PPP1R36: variants seen among roughly 807,000 people sequenced by gnomAD.
PPP1R36 encodes the protein protein phosphatase 1 regulatory subunit 36.
PPP1R36 carries 47 observed loss-of-function variants against 53.4 expected under a neutral mutation model. The ratio of observed to expected loss-of-function variants is 0.88; its 90% confidence interval spans 0.70 to 1.12. The LOEUF (loss-of-function observed/expected upper bound fraction) is 1.12. PPP1R36 is among the 50% of genes most tolerant of loss of function. The pLI is 0.00. For missense variants in PPP1R36, 456 were observed against 513.9 expected, an observed-to-expected ratio of 0.89 and a Z score of 1.09; for synonymous variants, 153 against 170.5, an observed-to-expected ratio of 0.90 and a Z score of 0.80.
Position 64,589,352 on chromosome 14 carries a change from A to C in PPP1R36, c.*14A>C. ...TGCCCTAAGTAACCTGGTACATTCC[A>C]TATCTCAAGTAAACTACTTTGACTT... On this transcript the variant is annotated 3_prime_UTR_variant, in exon 12 of 12. Transcript: ENST00000298705. 2.6e-6 allele frequency: 4 copies of C among 1,559,948 alleles called. No homozygotes were observed. The highest frequency in any genetic ancestry group is 3.5e-6 in the Non-Finnish European group (4 of 1,145,190).
intron 7 of PPP1R36, among the ~76,000 whole-genome samples, chr14:64,571,110 CTGTTTGTT>C (rs10638013): frequency 0.015 from 2,303 of 150,504 alleles, 28 homozygotes; most frequent in South Asian, 0.037. Context: ...TATGTATGTA[CTGTTTGTT>C]TGTTTGTTTG....
chr14:64,559,981 C>T (rs1039569791), intron 3 of PPP1R36, among the ~76,000 whole-genome samples: 2 of 151,516 alleles, frequency 1.3e-5, no homozygotes, highest in African/African-American at 4.9e-5. Context: ...TACGTGCCTG[C>T]AGTCCCAACT....
chr14:64,571,845 TG>T (rs1436976069), intron 7 of PPP1R36, among the ~76,000 whole-genome samples: 3 of 152,152 alleles, frequency 2.0e-5, no homozygotes, highest in Admixed American at 2.0e-4. Flanking sequence ...TCTTACATGG[TG>T]GCAGGCAAGA....
chr14:64,579,218 G>C (rs1306918476), intron 8 of PPP1R36, among the ~76,000 whole-genome samples: 1 of 151,990 alleles, frequency 6.6e-6, no homozygotes, highest in African/African-American at 2.4e-5. Flanking sequence ...CCCGTGACTC[G>C]TGTTTATCTA....
chr14:64,580,566 A>G (rs2140245514), intron 8 of PPP1R36, among the ~76,000 whole-genome samples: 1 of 152,316 alleles, frequency 6.6e-6, no homozygotes, highest in African/African-American at 2.4e-5. Context: ...TCATTTCCAG[A>G]TGGTGCTGGT....
intron 8 of PPP1R36, 197 bp from the exon 9 acceptor site, chr14:64,586,640 G>A (rs1465609202): frequency 4.4e-6 from 2 of 449,850 alleles, no homozygotes; most frequent in Non-Finnish European, 7.9e-6. Flanking sequence ...CATTCTAGGA[G>A]TTTTGATCTG....
At position 64,588,309 on chromosome 14, in the gene PPP1R36, C is replaced by A; in HGVS notation, c.1082+14C>A. On this transcript the variant is annotated intron_variant, in intron 11 of 11. Coordinates refer to ENST00000298705, the MANE Select transcript of PPP1R36 (RefSeq NM_172365.3). ...GCCCATGCCGGTGTAAGTGGCTTGG[C>A]AAGAGAAGCATGAGTGCCTTGAGGT... The A allele has an allele frequency of 1.9e-6, 3 of 1,586,512 alleles. No homozygotes were observed. Among genetic ancestry groups the A allele is most frequent in the South Asian group, 1.1e-5 (1 of 87,630 alleles).
intron 8 of PPP1R36, among the ~76,000 whole-genome samples, chr14:64,577,444 T>C (rs191225232): frequency 1.2e-4 from 19 of 152,272 alleles, no homozygotes; most frequent in African/African-American, 4.6e-4. Flanking sequence ...GGACTCCCCT[T>C]TGGCCTGGTC....
chr14:64,585,222 A>G (rs1457398079), intron 8 of PPP1R36, among the ~76,000 whole-genome samples: 1 of 152,178 alleles, frequency 6.6e-6, no homozygotes, highest in Non-Finnish European at 1.5e-5. Context: ...GGCCCCAACA[A>G]AAGCAGAAGC....
intron 3 of PPP1R36, among the ~76,000 whole-genome samples, chr14:64,558,785 G>A (rs1368511990): frequency 2.0e-5 from 3 of 152,006 alleles, no homozygotes; most frequent in East Asian, 1.9e-4. Context: ...ATAGGCACGC[G>A]GCACCACAGC....
intron 9 of PPP1R36, 106 bp downstream of exon 9, chr14:64,586,985 C>A: frequency 1.0e-6 from 1 of 980,646 alleles, no homozygotes; most frequent in South Asian, 1.5e-5. Context: ...TTCTAAAAGA[C>A]GGTGCTAACA....
intron 8 of PPP1R36, among the ~76,000 whole-genome samples, chr14:64,575,705 C>G (rs1489437921): frequency 1.3e-5 from 2 of 151,138 alleles, no homozygotes; most frequent in African/African-American, 4.9e-5. Flanking sequence ...GGCTGGACTG[C>G]AGTGGCACGA....
At chr14:64,561,889 T>C (rs2080208195) in intron 3 of PPP1R36, 2 of 453,914 alleles carry the variant, frequency 4.4e-6, no homozygotes, top group Non-Finnish European at 8.9e-6. Flanking sequence ...CCCTACTCTT[T>C]CGTCATGGCC....
At chr14:64,550,096 C>T (rs1416578572) in intron 1 of PPP1R36, 30 bp downstream of exon 1, 11 of 1,547,098 alleles carry the variant, frequency 7.1e-6, no homozygotes, top group Admixed American at 3.9e-5. Flanking sequence ...CCCCCATACC[C>T]GGGCTGGGCG....
intron 8 of PPP1R36, among the ~76,000 whole-genome samples, chr14:64,576,255 A>G (rs1204632167): frequency 2.0e-5 from 3 of 151,046 alleles, no homozygotes. Flanking sequence ...TAATTTTTGT[A>G]TTTTTAGTAG....
At position 64,585,526 on chromosome 14, in the gene PPP1R36, A is replaced by T. The variant is rs868137670; in HGVS notation, c.669-1311A>T. Among the ~76,000 whole-genome samples, 1,260 of 145,242 alleles carry T rather than the reference A, an allele frequency of 8.7e-3. 27 individuals carry two copies. Among genetic ancestry groups the T allele is most frequent in the African/African-American group, 0.033 (1,188 of 35,498 alleles). Reference sequence around the variant, plus strand: ...AATGAGACCCTGTCTCAAAAAAAAAAAAAAAAAAAAAAAATTAGCCAGTGT... The same window carrying T: ...AATGAGACCCTGTCTCAAAAAAAAATAAAAAAAAAAAAAATTAGCCAGTGT... On this transcript the variant is annotated intron_variant, in intron 8 of 11. Coordinates refer to ENST00000298705, the MANE Select transcript of PPP1R36 (RefSeq NM_172365.3).
intron 3 of PPP1R36, chr14:64,561,938 CTT>C (rs1291058643): frequency 4.8e-6 from 2 of 413,766 alleles, no homozygotes; most frequent in South Asian, 1.7e-5. Context: ...AGAGGTCTAA[CTT>C]GTGTGGAAGC....
intron 8 of PPP1R36, among the ~76,000 whole-genome samples, chr14:64,585,352 C>A (rs907590606): frequency 1.3e-5 from 2 of 151,828 alleles, no homozygotes; most frequent in East Asian, 3.9e-4. Flanking sequence ...CCCATCTCTA[C>A]AAAAAATACA....
chr14:64,577,851 G>T (rs1172840420), intron 8 of PPP1R36, among the ~76,000 whole-genome samples: 2 of 145,972 alleles, frequency 1.4e-5, no homozygotes, highest in Admixed American at 7.2e-5. Context: ...TCAGCCTCCC[G>T]AGTAGCTGGG....
Sources: gnomAD v4.1 joint callset for allele counts (sites outside exome capture counted in the v4.1 genomes callset) on GRCh38, gnomAD v4.1.1 for gene constraint, MANE v1.5 for transcripts, NCBI Gene and HGNC (gene_info 2026-07-23, HGNC 2026-07-21) for gene names.